Variants in SEL1L2 observed in about 807,000 individuals in gnomAD.
The protein encoded by SEL1L2 is SEL1L2 adaptor subunit of SYVN1 ubiquitin ligase.
In SEL1L2, 89 loss-of-function variants were observed where a neutral mutation model predicts 98.8. That is an observed-to-expected ratio of 0.90 (90% CI 0.76 to 1.07). SEL1L2 has a LOEUF of 1.07. SEL1L2 is among the 50% of genes least tolerant of loss of function. SEL1L2 has a pLI of 0.00. For missense variants in SEL1L2, 788 were observed against 812.0 expected, an observed-to-expected ratio of 0.97 and a Z score of 0.36; for synonymous variants, 262 against 278.5, an observed-to-expected ratio of 0.94 and a Z score of 0.59.
At chr20:13,935,676 C>G (rs1198185889) in intron 2 of SEL1L2, among the ~76,000 whole-genome samples, 2 of 152,174 alleles carry the variant, frequency 1.3e-5, no homozygotes, top group Non-Finnish European at 2.9e-5. Context: ...GCGCTGGGGC[C>G]AGGTTCAGGA....
At chr20:13,895,713 T>G (rs1399038094) in intron 5 of SEL1L2, among the ~76,000 whole-genome samples, 3 of 152,230 alleles carry the variant, frequency 2.0e-5, no homozygotes. Context: ...TTTTGCTACT[T>G]CCATTCAGCA....
At chr20:13,978,697 T>C (rs970405437) in intron 1 of SEL1L2, among the ~76,000 whole-genome samples, 4 of 151,742 alleles carry the variant, frequency 2.6e-5, no homozygotes, top group Non-Finnish European at 5.9e-5. Flanking sequence ...TATAAAAATA[T>C]AAAATAAGTA....
At chr20:13,967,360 C>T (rs1036695916) in intron 1 of SEL1L2, among the ~76,000 whole-genome samples, 2 of 152,180 alleles carry the variant, frequency 1.3e-5, no homozygotes, top group African/African-American at 4.8e-5. Context: ...TTCCTTGAAA[C>T]CTCTTTTCTT....
intron 17 of SEL1L2, among the ~76,000 whole-genome samples, chr20:13,864,039 A>G (rs953197905): frequency 2.0e-5 from 3 of 152,046 alleles, no homozygotes; most frequent in Non-Finnish European, 4.4e-5. Flanking sequence ...CCTTGTTTTC[A>G]ATGTCTCTTT....
chr20:13,908,491 A>G (rs1188856179), intron 5 of SEL1L2, among the ~76,000 whole-genome samples: 1 of 152,224 alleles, frequency 6.6e-6, no homozygotes, highest in Non-Finnish European at 1.5e-5. Context: ...CAAATTTCCT[A>G]TTGAGGACAG....
chr20:13,917,356 G>C (rs962249925), intron 4 of SEL1L2, among the ~76,000 whole-genome samples: 1 of 152,252 alleles, frequency 6.6e-6, no homozygotes, highest in African/African-American at 2.4e-5. Flanking sequence ...TTTTGCTGTG[G>C]TTGGTTGAAC....
In SEL1L2 at chr20:13,901,661, T is replaced by A. The variant is rs978612808; in HGVS notation, c.549+12121A>T. Among the ~76,000 whole-genome samples the A allele has an allele frequency of 2.0e-5, 3 of 151,560 alleles. No individual in the cohort carries two copies. In the East Asian group the frequency reaches 5.9e-4, roughly 30 times the overall value. On this transcript the variant is annotated intron_variant, in intron 5 of 19. Transcript: ENST00000284951. ...TTTTTTTTAAATTTTTTTTGCAAAT[T>A]TTTTTCTTTTTTTTTTTTGAGACGG...
chr20:13,880,865 G>C (rs541774908), intron 10 of SEL1L2, among the ~76,000 whole-genome samples: 2,087 of 152,114 alleles, frequency 0.014, 47 homozygotes, highest in African/African-American at 0.047. Flanking sequence ...AGTAAGTAAA[G>C]TTTTATTATT....
chr20:13,938,043 A>C (rs1262850283), intron 2 of SEL1L2, among the ~76,000 whole-genome samples: 2 of 151,904 alleles, frequency 1.3e-5, no homozygotes, highest in Admixed American at 1.3e-4. Context: ...AAACAAAAAC[A>C]GTGCTGGGAG....
chr20:13,910,271 A>C (rs1485457763), intron 5 of SEL1L2, among the ~76,000 whole-genome samples: 4 of 152,206 alleles, frequency 2.6e-5, no homozygotes, highest in African/African-American at 9.7e-5. Flanking sequence ...GTTACACAAC[A>C]GTATTCATTA....
At chr20:13,898,356 C>T (rs1198590549) in intron 5 of SEL1L2, among the ~76,000 whole-genome samples, 1 of 152,174 alleles carries the variant, frequency 6.6e-6, no homozygotes, top group African/African-American at 2.4e-5. Flanking sequence ...GACACAGACA[C>T]ATTAAAGAAT....
chr20:13,979,507 C>T lies in SEL1L2; in HGVS notation c.58+10970G>A, dbSNP rs541144662. ...TATGTACTGAAGTATCACTCTGCAT[C>T]GTTGATGAAATTGATGCATGATTAT... is the stretch of plus-strand genomic sequence containing the variant. On this transcript the variant is annotated intron_variant, in intron 1 of 19. Coordinates refer to ENST00000284951, the MANE Select transcript of SEL1L2 (RefSeq NM_025229.2). 3.9e-5 allele frequency among the ~76,000 whole-genome samples: 6 copies of T among 152,192 alleles called. No individual in the cohort carries two copies. In the South Asian group the frequency reaches 1.2e-3, roughly 32 times the overall value.
chr20:13,969,086 AATAG>A (rs1326923807), intron 1 of SEL1L2, among the ~76,000 whole-genome samples: 1 of 152,238 alleles, frequency 6.6e-6, no homozygotes, highest in East Asian at 1.9e-4. Flanking sequence ...GAAATTTTGC[AATAG>A]ATAGAAAGTT....
At chr20:13,949,722 C>T (rs1003770706) in intron 2 of SEL1L2, among the ~76,000 whole-genome samples, 2 of 151,236 alleles carry the variant, frequency 1.3e-5, no homozygotes, top group African/African-American at 4.9e-5. Context: ...AGAACAAGTG[C>T]TGGAGACATT....
chr20:13,896,503 A>T, intron 5 of SEL1L2, among the ~76,000 whole-genome samples: 1 of 148,880 alleles, frequency 6.7e-6, no homozygotes. Flanking sequence ...ATAAACAAAC[A>T]ACTCCCCCCC....
intron 1 of SEL1L2, among the ~76,000 whole-genome samples, chr20:13,984,913 T>G (rs1194665212): frequency 6.6e-6 from 1 of 152,210 alleles, no homozygotes; most frequent in African/African-American, 2.4e-5. Flanking sequence ...ATTAGCATGT[T>G]TCTCACTTCA....
At chr20:13,976,879 A>G (rs913105307) in intron 1 of SEL1L2, among the ~76,000 whole-genome samples, 2 of 152,248 alleles carry the variant, frequency 1.3e-5, no homozygotes, top group African/African-American at 4.8e-5. Flanking sequence ...ATAAACGATT[A>G]GGAGATTCTG....
chr20:13,908,969 G>A (rs1226637903), intron 5 of SEL1L2, among the ~76,000 whole-genome samples: 1 of 149,678 alleles, frequency 6.7e-6, no homozygotes, highest in Non-Finnish European at 1.5e-5. Flanking sequence ...TTTTGTTCTT[G>A]TTATTGTTAA....
rs200906934 is a variant in SEL1L2 at position 13,976,301 on chromosome 20, G to GT, written c.58+14175dup. ...AGGGATAAGCCACAGCACCCGGACT[G>GT]TTTTTTTTTGTTGTTGTTGTTGTTT... is the stretch of plus-strand genomic sequence containing the variant. On this transcript the variant is annotated intron_variant, in intron 1 of 19. Transcript: ENST00000284951. 2.0e-3 allele frequency among the ~76,000 whole-genome samples: 296 copies of GT among 151,010 alleles called. 3 individuals are homozygous for GT. The highest frequency in any genetic ancestry group is 5.3e-3 in the African/African-American group (218 of 41,122).
Sources: gnomAD v4.1 joint callset for allele counts (sites outside exome capture counted in the v4.1 genomes callset) on GRCh38, gnomAD v4.1.1 for gene constraint, MANE v1.5 for transcripts, NCBI Gene and HGNC (gene_info 2026-07-23, HGNC 2026-07-21) for gene names.